KIRREL3: variants seen among roughly 807,000 people sequenced by gnomAD.
KIRREL3 encodes kin of IRRE-like protein 3.
A neutral mutation model predicts 89.7 loss-of-function variants in KIRREL3; 36 were observed. The observed-to-expected ratio is 0.40, with a 90% CI of 0.31 to 0.53. KIRREL3 has a LOEUF of 0.53. KIRREL3 is among the 20% of genes least tolerant of loss of function. KIRREL3 has a pLI of 0.49. For missense variants in KIRREL3, 864 were observed against 1,056.6 expected (o/e 0.82, Z 2.53); for synonymous variants, 445 against 441.4 (o/e 1.01, Z -0.10).
At position 126,990,050 on chromosome 11, in the gene KIRREL3, C is replaced by T. The variant is rs1276499236; in HGVS notation, c.55+10405G>A. On this transcript the variant is annotated intron_variant, in intron 1 of 16. Transcript: ENST00000525144. This position sits in a 1 kb window ranked among gnomAD's most constrained non-coding sequence, Gnocchi z 6.3. The stretch of plus-strand genomic sequence containing the variant: ...CTGACCCTGGAAGGGTGGAATCACT[C>T]CTTGTGGAAGGGAAAACGCCTGGAG... Among the ~76,000 whole-genome samples, 1 of 152,180 alleles carries T rather than the reference C, an allele frequency of 6.6e-6. No homozygotes were observed. Among genetic ancestry groups the T allele is most frequent in the Non-Finnish European group, 1.5e-5 (1 of 68,032 alleles).
intron 1 of KIRREL3, among the ~76,000 whole-genome samples, chr11:126,869,622 T>C (rs746303877): frequency 1.3e-5 from 2 of 152,202 alleles, no homozygotes. Flanking sequence ...CCCTGTCATG[T>C]TGTCCATGTT....
rs1338190495 is a variant in KIRREL3, at chr11:126,423,716, T to A, written c.*864A>T. The A allele has an allele frequency of 6.6e-6, 1 of 152,170 alleles. No individual in the cohort carries two copies. The highest frequency in any genetic ancestry group is 6.5e-5 in the Admixed American group (1 of 15,276). 9.4% of individuals were successfully genotyped at this position (152,170 alleles called of 1,614,324 possible). On this transcript the variant is annotated 3_prime_UTR_variant, in exon 17 of 17. Coordinates refer to ENST00000525144, the MANE Select transcript of KIRREL3 (RefSeq NM_032531.4). ...CTCTCCATAAGTGTTCAGAGAACCCTGACCAGAGAAGCTCCCGCACTTCTT... is the reference window on the plus strand; with the variant it reads ...CTCTCCATAAGTGTTCAGAGAACCCAGACCAGAGAAGCTCCCGCACTTCTT...
intron 1 of KIRREL3, among the ~76,000 whole-genome samples, chr11:126,573,828 A>G (rs1396254920): frequency 6.6e-6 from 1 of 152,178 alleles, no homozygotes; most frequent in Admixed American, 6.5e-5. Flanking sequence ...AAGGAATAAC[A>G]GAGACCACAG....
chr11:126,548,784 T>C (rs75243969), intron 2 of KIRREL3, among the ~76,000 whole-genome samples: 6,351 of 152,184 alleles, frequency 0.042, 418 homozygotes, highest in African/African-American at 0.14. Flanking sequence ...AAATGAGCCA[T>C]AGGAACAGCG....
At chr11:126,913,673 C>T (rs1946916498) in intron 1 of KIRREL3, among the ~76,000 whole-genome samples, 1 of 152,220 alleles carries the variant, frequency 6.6e-6, no homozygotes, top group African/African-American at 2.4e-5. Flanking sequence ...TTGCTTATTG[C>T]TTTAGTCAAT....
chr11:126,449,353 G>C (rs577344779), intron 7 of KIRREL3, among the ~76,000 whole-genome samples, 196 bp from the exon 8 acceptor site: 122 of 152,344 alleles, frequency 8.0e-4, no homozygotes, highest in Admixed American at 1.9e-3. Flanking sequence ...CTCCCACCCA[G>C]GTGGTTGTGA....
At chr11:126,473,088 ACCCC>A in intron 5 of KIRREL3, among the ~76,000 whole-genome samples, 1 of 4,160 alleles carries the variant, frequency 2.4e-4, no homozygotes, top group East Asian at 0.026. Context: ...TCTCTACCTA[ACCCC>A]CCAGCCCCTC....
rs1955006861 is a variant in KIRREL3, at chr11:126,428,153, G to A, written c.1806+1026C>T. Among the ~76,000 whole-genome samples, 1 of 152,188 alleles carries A rather than the reference G, an allele frequency of 6.6e-6. No homozygotes were observed. Among genetic ancestry groups the A allele is most frequent in the Non-Finnish European group, 1.5e-5 (1 of 68,034 alleles). On this transcript the variant is annotated intron_variant, in intron 15 of 16. Coordinates refer to ENST00000525144, the MANE Select transcript of KIRREL3 (RefSeq NM_032531.4). This position sits in a 1 kb window ranked among gnomAD's most constrained non-coding sequence, Gnocchi z 6.4. ...TTCCATGGGCTTCAAGCCCTTCTGA[G>A]TTTTGTCCACTTCACCCTCACCACA... is the stretch of plus-strand genomic sequence containing the variant.
intron 1 of KIRREL3, among the ~76,000 whole-genome samples, chr11:126,722,134 C>T (rs1948198860): frequency 6.6e-6 from 1 of 152,220 alleles, no homozygotes; most frequent in South Asian, 2.1e-4. Context: ...CCTCAAGCAC[C>T]TGCTGTCACT....
chr11:126,567,928 T>C (rs1940636867), intron 1 of KIRREL3, among the ~76,000 whole-genome samples: 1 of 152,140 alleles, frequency 6.6e-6, no homozygotes, highest in African/African-American at 2.4e-5. Flanking sequence ...CAAGTGCATC[T>C]GGATGGCTGC....
At chr11:126,927,129 T>C (rs368001006) in intron 1 of KIRREL3, among the ~76,000 whole-genome samples, 1 of 152,370 alleles carries the variant, frequency 6.6e-6, no homozygotes, top group East Asian at 1.9e-4. Context: ...AAGCCTTTCT[T>C]TTCATTGTCC....
At chr11:126,886,408 T>TA (rs1271824569) in intron 1 of KIRREL3, among the ~76,000 whole-genome samples, 4 of 152,156 alleles carry the variant, frequency 2.6e-5, no homozygotes, top group East Asian at 1.9e-4. Flanking sequence ...CCAGCGCTAA[T>TA]AAAAAAATAT....
chr11:126,436,827 G>T lies in KIRREL3; in HGVS notation c.1536C>A (p.Ile512=). 2 of 1,613,616 alleles carry T rather than the reference G, an allele frequency of 1.2e-6. No homozygotes were observed. The highest frequency in any genetic ancestry group is 2.2e-5 in the South Asian group (2 of 91,058). ...AGCTCTCACCTTGCTCCTTGAGCCG[G>T]ATGATCTCAGTGTCGGAGCCGAAGC... is the stretch of plus-strand genomic sequence containing the variant. The part of the protein sequence containing the change: ...WNSFGSDTEI[I]RLKEQGSEMK... The change falls in exon 12 of 17, where the codon ATC becomes ATA. Residue 512 remains isoleucine (I), a synonymous_variant. Coordinates refer to ENST00000525144, the MANE Select transcript of KIRREL3 (RefSeq NM_032531.4).
chr11:126,674,958 A>G (rs1235990869), intron 1 of KIRREL3, among the ~76,000 whole-genome samples: 1 of 152,214 alleles, frequency 6.6e-6, no homozygotes, highest in Non-Finnish European at 1.5e-5. Flanking sequence ...CGTGTTAACC[A>G]ATAAGCACCT....
At chr11:126,793,874 T>C (rs912923457) in intron 1 of KIRREL3, among the ~76,000 whole-genome samples, 2 of 152,168 alleles carry the variant, frequency 1.3e-5, no homozygotes, top group South Asian at 2.1e-4. Context: ...CAAATACACA[T>C]GTTGCTTCTC....
At chr11:126,425,778 C>T (rs890977164) in intron 15 of KIRREL3, 54 bp from the exon 16 acceptor site, 32 of 1,380,198 alleles carry the variant, frequency 2.3e-5, no homozygotes, top group Non-Finnish European at 3.1e-5. Context: ...ACCTCCACTT[C>T]CCCCAAGGAA....
rs116716308 is a variant in KIRREL3 at position 126,960,198 on chromosome 11, C to T, written c.55+40257G>A. On this transcript the variant is annotated intron_variant, in intron 1 of 16. Transcript: ENST00000525144. Reference sequence around the variant, plus strand: ...CAGAAATAGAAGTCAATTTGTTTGCCATAAATAAATAAAAGGCAAATTCTC... The same window carrying T: ...CAGAAATAGAAGTCAATTTGTTTGCTATAAATAAATAAAAGGCAAATTCTC... Among the ~76,000 whole-genome samples, 1,367 of 152,142 alleles carry T rather than the reference C, an allele frequency of 9.0e-3. 21 individuals are homozygous for T. The highest frequency in any genetic ancestry group is 0.03 in the African/African-American group (1,226 of 41,494).
chr11:126,783,754 TA>T lies in KIRREL3; in HGVS notation c.55+216700del, dbSNP rs1375907919. Among the ~76,000 whole-genome samples the T allele has an allele frequency of 6.6e-6, 1 of 152,224 alleles. No individual in the cohort carries two copies. Among genetic ancestry groups the T allele is most frequent in the Non-Finnish European group, 1.5e-5 (1 of 68,040 alleles). ...GCCTTGCCCTCAAAGAAGTAGAGTA[TA>T]GCTTCCCGCTCCTTAAGCGTGGGCT... On this transcript the variant is annotated intron_variant, in intron 1 of 16. Coordinates refer to ENST00000525144, the MANE Select transcript of KIRREL3 (RefSeq NM_032531.4). This position sits in a 1 kb window ranked among gnomAD's most constrained non-coding sequence, Gnocchi z 4.3.
rs370772241 is a variant in KIRREL3 at position 126,649,222 on chromosome 11, G to A, written c.56-86310C>T. On this transcript the variant is annotated intron_variant, in intron 1 of 16. Transcript: ENST00000525144. ...TGGGAATTATTGGAGTATAATTCAAGATGGGATTTGGGTGGGAACAGAGCC... is the reference window on the plus strand; with the variant it reads ...TGGGAATTATTGGAGTATAATTCAAAATGGGATTTGGGTGGGAACAGAGCC... 2.0e-5 allele frequency among the ~76,000 whole-genome samples: 3 copies of A among 152,286 alleles called. No homozygotes were observed. The South Asian group carries it at 6.2e-4, about 32-fold the overall frequency.
Sources: allele counts gnomAD v4.1 joint callset (sites outside exome capture counted in the v4.1 genomes callset), GRCh38; gene constraint gnomAD v4.1.1; non-coding constraint Gnocchi (gnomAD v3.1); transcripts MANE v1.5; gene names NCBI Gene and HGNC (gene_info 2026-07-23, HGNC 2026-07-21).